The following TENT4B variants were observed in gnomAD, a reference collection of about 807,000 sequenced individuals.
TENT4B encodes the protein terminal nucleotidyltransferase 4B.
A neutral mutation model predicts 75.0 loss-of-function variants in TENT4B; 10 were observed. The ratio of observed to expected loss-of-function variants is 0.13; its 90% CI spans 0.08 to 0.23. The LOEUF is 0.23. TENT4B is among the 10% of genes least tolerant of loss of function. TENT4B has a pLI of 1.00. For missense variants in TENT4B, 579 were observed against 893.8 expected (o/e 0.65, Z 4.49); for synonymous variants, 350 against 357.7 (o/e 0.98, Z 0.24).
At position 50,159,960 on chromosome 16, in the gene TENT4B, G is replaced by A. The variant is rs143710015; in HGVS notation, c.638+5701G>A. ...GCCACCCAGGCTGGAGTGCAGTGGC[G>A]TGATCTTGGCTTACTGCAACTTCAA... On this transcript the variant is annotated intron_variant, in intron 1 of 11. Transcript: ENST00000561678. Among the ~76,000 whole-genome samples, 478 of 152,074 alleles carry A rather than the reference G, an allele frequency of 3.1e-3. 1 individual carries two copies. Among genetic ancestry groups the A allele is most frequent in the African/African-American group, 0.011 (451 of 41,474 alleles).
At position 50,154,007 on chromosome 16, in the gene TENT4B, C is replaced by A; in HGVS notation, c.386C>A (p.Ala129Glu). The A allele has an allele frequency of 6.5e-7, 1 of 1,533,766 alleles. No individual in the cohort carries two copies. Among genetic ancestry groups the A allele is most frequent in the Non-Finnish European group, 8.7e-7 (1 of 1,145,880 alleles). Residue 129 changes from alanine (A) to glutamate (E), a missense_variant, in exon 1 of 12, where the codon GCG becomes GAG. By Grantham distance (107) the Ala-to-Glu change is moderately radical. Coordinates refer to ENST00000561678, the MANE Select transcript of TENT4B (RefSeq NM_001365324.3). ...GAWARRAGSS[A>E]SSPPSASSSP... ...TGGGCCCGCCGGGCGGGCTCCTCGG[C>A]GTCCTCGCCTCCCTCGGCGTCCTCG...
At chr16:50,207,543 A>G (rs191492377) in intron 1 of TENT4B, among the ~76,000 whole-genome samples, 10 of 152,314 alleles carry the variant, frequency 6.6e-5, no homozygotes, top group Non-Finnish European at 1.3e-4. Context: ...TTTTGGGTAC[A>G]TACAGGTTCA....
In TENT4B at chr16:50,234,628, G is replaced by A; in HGVS notation, c.*5300G>A. On this transcript the variant is annotated 3_prime_UTR_variant, in exon 12 of 12. Transcript: ENST00000561678. Reference sequence around the variant, plus strand: ...TGATTTTTGCATATTGAAACTTACAGAAGTCACTTTAAAAAAGTCTTTTGA... The same window carrying A: ...TGATTTTTGCATATTGAAACTTACAAAAGTCACTTTAAAAAAGTCTTTTGA... 2 of 985,152 alleles carry A rather than the reference G, an allele frequency of 2.0e-6. No individual in the cohort carries two copies. Among genetic ancestry groups the A allele is most frequent in the Middle Eastern group, 5.2e-4 (1 of 1,914 alleles). 61.0% of individuals were successfully genotyped at this position (985,152 alleles called of 1,614,324 possible). A position where few individuals can be genotyped will look rare whatever the true frequency, so the allele number is the denominator to read the frequency against.
chr16:50,194,950 C>T (rs531692074), intron 1 of TENT4B, among the ~76,000 whole-genome samples: 38 of 151,938 alleles, frequency 2.5e-4, no homozygotes, highest in Non-Finnish European at 1.0e-4. Flanking sequence ...GGGGTTTCAC[C>T]GTGTTAGCCA....
At position 50,231,974 on chromosome 16, in the gene TENT4B, A is replaced by G. The variant is rs1483618129; in HGVS notation, c.*2646A>G. The G allele has an allele frequency of 3.8e-5, 37 of 983,854 alleles. No homozygotes were observed. Among genetic ancestry groups the G allele is most frequent in the Non-Finnish European group, 4.1e-5 (34 of 828,594 alleles). The allele number at this position is 983,854 out of a possible 1,614,324, so 60.9% of individuals were successfully genotyped here. On this transcript the variant is annotated 3_prime_UTR_variant, in exon 12 of 12. Coordinates refer to ENST00000561678, the MANE Select transcript of TENT4B (RefSeq NM_001365324.3). ...TAGAGTCCATTCATATCCATGAATCATAACCTTCCTTTGCTAATACTTGTT... is the reference window on the plus strand; with the variant it reads ...TAGAGTCCATTCATATCCATGAATCGTAACCTTCCTTTGCTAATACTTGTT...
intron 1 of TENT4B, among the ~76,000 whole-genome samples, chr16:50,200,363 C>T (rs2030556021): frequency 7.2e-6 from 1 of 139,410 alleles, no homozygotes; most frequent in Non-Finnish European, 1.5e-5. Flanking sequence ...AAGACCCTGA[C>T]TTAAAAAAAA....
rs553415134 is a variant in TENT4B, at chr16:50,154,795, G to A, written c.638+536G>A. ...CCTCCCCATCCCCCAATCCCAGACAGCAATTATGTCAGCCCTGTAAGGCAT... is the reference window on the plus strand; with the variant it reads ...CCTCCCCATCCCCCAATCCCAGACAACAATTATGTCAGCCCTGTAAGGCAT... On this transcript the variant is annotated intron_variant, in intron 1 of 11. Coordinates refer to ENST00000561678, the MANE Select transcript of TENT4B (RefSeq NM_001365324.3). Among the ~76,000 whole-genome samples the A allele has an allele frequency of 7.9e-5, 12 of 152,280 alleles. No homozygotes were observed. The South Asian group carries it at 1.5e-3, about 18-fold the overall frequency.
rs527503648 is a variant in TENT4B, at chr16:50,220,358, T to A, written c.1039-1948T>A. On this transcript the variant is annotated intron_variant, in intron 5 of 11. Transcript: ENST00000561678. ...GGCCACTTTTTTTTTTCTTTTTTTT[T>A]AAGTAGAGATAAGGTCTTGCTATGT... is the stretch of plus-strand genomic sequence containing the variant. 2.0e-5 allele frequency among the ~76,000 whole-genome samples: 3 copies of A among 151,990 alleles called. No individual in the cohort carries two copies. The East Asian group carries it at 5.8e-4, about 30-fold the overall frequency.
chr16:50,214,095 C>G (rs938902252), intron 2 of TENT4B, 126 bp from the exon 3 acceptor site: 23 of 682,344 alleles, frequency 3.4e-5, no homozygotes, highest in Non-Finnish European at 4.8e-5. Flanking sequence ...GAAAAAAATG[C>G]TCTTGTCATA....
chr16:50,208,146 A>G (rs533869482), intron 1 of TENT4B, among the ~76,000 whole-genome samples: 1 of 152,208 alleles, frequency 6.6e-6, no homozygotes, highest in South Asian at 2.1e-4. Context: ...CTTTGCTTTA[A>G]TAATAGCCCT....
In TENT4B at chr16:50,234,808, A is replaced by G. The variant is rs2032398060; in HGVS notation, c.*5480A>G. 5 of 985,500 alleles carry G rather than the reference A, an allele frequency of 5.1e-6. No individual in the cohort carries two copies. In the African/African-American group the frequency reaches 8.7e-5, roughly 17 times the overall value. The allele number at this position is 985,500 out of a possible 1,614,324, so 61.0% of individuals were successfully genotyped here. ...TGTAGTTTCTGGATATAAAGTGTGAAGGACTGTTGAGTTAAACATTTTTAG... is the reference window on the plus strand; with the variant it reads ...TGTAGTTTCTGGATATAAAGTGTGAGGGACTGTTGAGTTAAACATTTTTAG... On this transcript the variant is annotated 3_prime_UTR_variant, in exon 12 of 12. Transcript: ENST00000561678.
chr16:50,177,485 C>A (rs1366256884), intron 1 of TENT4B, among the ~76,000 whole-genome samples: 1 of 152,028 alleles, frequency 6.6e-6, no homozygotes, highest in Non-Finnish European at 1.5e-5. Context: ...GAAATTGTTC[C>A]ATTTCATCTA....
At position 50,230,915 on chromosome 16, in the gene TENT4B, T is replaced by TTATA. The variant is rs200357366; in HGVS notation, c.*1596_*1599dup. On this transcript the variant is annotated 3_prime_UTR_variant, in exon 12 of 12. Transcript: ENST00000561678. ...CAGCCATTTCTGAGACGAGATTCTT[T>TTATA]TATATATATATACATATAAAGTACT... 3 of 980,020 alleles carry TTATA rather than the reference T, an allele frequency of 3.1e-6. No homozygotes were observed. The highest frequency in any genetic ancestry group is 3.6e-6 in the Non-Finnish European group (3 of 824,780). The allele number at this position is 980,020 out of a possible 1,614,324, so 60.7% of individuals were successfully genotyped here. A position where few individuals can be genotyped will look rare whatever the true frequency, so the allele number is the denominator to read the frequency against.
In TENT4B at chr16:50,230,303, A is replaced by AG. The variant is rs1291512435; in HGVS notation, c.*975_*976insG. The AG allele has an allele frequency of 8.8e-4, 741 of 843,380 alleles. No homozygotes were observed. The highest frequency in any genetic ancestry group is 1.0e-3 in the Non-Finnish European group (705 of 702,446). The allele number at this position is 843,380 out of a possible 1,614,324, so 52.2% of individuals were successfully genotyped here. ...TCCCCCCATTTCTTCCTAATAGGAAAAAAAAAAAAAAAAAGGTCACCCATG... is the reference window on the plus strand; with the variant it reads ...TCCCCCCATTTCTTCCTAATAGGAAAGAAAAAAAAAAAAAAGGTCACCCATG... On this transcript the variant is annotated 3_prime_UTR_variant, in exon 12 of 12. Coordinates refer to ENST00000561678, the MANE Select transcript of TENT4B (RefSeq NM_001365324.3).
At chr16:50,191,587 A>G (rs2038639980) in intron 1 of TENT4B, among the ~76,000 whole-genome samples, 1 of 151,954 alleles carries the variant, frequency 6.6e-6, no homozygotes. Context: ...ATTTAAATAT[A>G]TAACTAAACA....
rs921613539 is a variant in TENT4B at position 50,231,458 on chromosome 16, T to A, written c.*2130T>A. ...TACATTTACCACACTGAAGTTTTTT[T>A]TGTTGTTTTTTGTTTGTTTTTAAAG... is the stretch of plus-strand genomic sequence containing the variant. On this transcript the variant is annotated 3_prime_UTR_variant, in exon 12 of 12. Coordinates refer to ENST00000561678, the MANE Select transcript of TENT4B (RefSeq NM_001365324.3). The A allele has an allele frequency of 3.0e-6, 3 of 985,676 alleles. No homozygotes were observed. Among genetic ancestry groups the A allele is most frequent in the African/African-American group, 1.7e-5 (1 of 57,240 alleles). 61.1% of individuals were successfully genotyped at this position (985,676 alleles called of 1,614,324 possible).
intron 1 of TENT4B, among the ~76,000 whole-genome samples, chr16:50,158,232 G>A (rs11076519): frequency 0.67 from 101,322 of 151,968 alleles, 35,651 homozygotes; most frequent in Non-Finnish European, 0.76. Context: ...GATTACAGGC[G>A]CCCGCCACCA....
At chr16:50,214,293 A>G (rs1396417074) in intron 3 of TENT4B, 26 bp downstream of exon 3, 1 of 1,542,108 alleles carries the variant, frequency 6.5e-7, no homozygotes, top group African/African-American at 1.4e-5. Context: ...AATCTTTCAA[A>G]GGACTTTTCT....
intron 1 of TENT4B, among the ~76,000 whole-genome samples, chr16:50,167,274 G>T (rs747329117): frequency 5.3e-5 from 8 of 152,124 alleles, no homozygotes; most frequent in Admixed American, 2.0e-4. Context: ...AGTTTATGTT[G>T]GGCCACATTC....
Sources: allele counts gnomAD v4.1 joint callset (sites outside exome capture counted in the v4.1 genomes callset), GRCh38; gene constraint gnomAD v4.1.1; transcripts MANE v1.5; gene names NCBI Gene and HGNC (gene_info 2026-07-23, HGNC 2026-07-21).